Variants in TRIM33 observed in about 807,000 individuals in gnomAD.
TRIM33 encodes tripartite motif containing 33.
TRIM33 carries 20 observed loss-of-function variants against 125.4 expected under a neutral mutation model. The observed-to-expected ratio is 0.16, with a 90% CI of 0.11 to 0.23. TRIM33 has a LOEUF of 0.23. Ranked by LOEUF, TRIM33 falls within the 10% of genes least tolerant of loss-of-function variation. The pLI is 1.00. For missense variants in TRIM33, 920 were observed against 1,411.4 expected, an observed-to-expected ratio of 0.65 and a Z score of 5.58; for synonymous variants, 564 against 513.9, an observed-to-expected ratio of 1.10 and a Z score of -1.32.
chr1:114,499,692 A>C (rs1362179425), intron 1 of TRIM33, among the ~76,000 whole-genome samples: 1 of 152,238 alleles, frequency 6.6e-6, no homozygotes, highest in Non-Finnish European at 1.5e-5. Context: ...CCCTAAAACC[A>C]GTCTGGCAGA....
At chr1:114,416,445 T>A (rs1392850266) in intron 11 of TRIM33, among the ~76,000 whole-genome samples, 2 of 152,218 alleles carry the variant, frequency 1.3e-5, no homozygotes, top group Non-Finnish European at 2.9e-5. Flanking sequence ...CCTAACTATA[T>A]CACCATTAAT....
chr1:114,505,721 C>A (rs1652963372), intron 1 of TRIM33, among the ~76,000 whole-genome samples: 1 of 152,150 alleles, frequency 6.6e-6, no homozygotes, highest in East Asian at 1.9e-4. Context: ...GTGCCTGCCA[C>A]CACGCCTGGC....
intron 1 of TRIM33, among the ~76,000 whole-genome samples, chr1:114,488,542 C>A (rs1180886728): frequency 6.6e-6 from 1 of 152,002 alleles, no homozygotes; most frequent in Non-Finnish European, 1.5e-5. Context: ...GGCGGGAGGA[C>A]CGCTTCAGCC....
chr1:114,397,620 TA>T lies in TRIM33; in HGVS notation c.*27del. 1.9e-5 allele frequency: 23 copies of T among 1,197,186 alleles called. No individual in the cohort carries two copies. The highest frequency in any genetic ancestry group is 5.6e-5 in the South Asian group (4 of 72,048). 74.2% of individuals were successfully genotyped at this position (1,197,186 alleles called of 1,614,324 possible). On this transcript the variant is annotated 3_prime_UTR_variant, in exon 20 of 20. Transcript: ENST00000358465. ...TTTTTTTTTTTCGTTTTTTTTTTTT[TA>T]AACAATTGATTTAAATCCATGTCAT...
chr1:114,464,247 T>TAAAG, intron 2 of TRIM33, 23 bp downstream of exon 2: 1 of 1,298,914 alleles, frequency 7.7e-7, no homozygotes, highest in Non-Finnish European at 1.1e-6. Flanking sequence ...GATAGGAATA[T>TAAAG]AAAGAAAAAT....
At chr1:114,471,390 A>C (rs1156930180) in intron 1 of TRIM33, among the ~76,000 whole-genome samples, 1 of 151,870 alleles carries the variant, frequency 6.6e-6, no homozygotes, top group African/African-American at 2.4e-5. Flanking sequence ...GCAGTGAGCC[A>C]AGATCATGCC....
intron 13 of TRIM33, among the ~76,000 whole-genome samples, chr1:114,407,705 C>T (rs1032257595): frequency 1.5e-4 from 23 of 152,102 alleles, no homozygotes; most frequent in African/African-American, 5.3e-4. Context: ...ACAGACGTAA[C>T]ATATATAATG....
Position 114,427,722 on chromosome 1 carries a change from AAAAAT to A in TRIM33, c.1302+21_1302+25del, listed in dbSNP as rs536346584. 9.5e-5 allele frequency: 152 copies of A among 1,599,380 alleles called. 1 individual carries two copies. The African/African-American group carries it at 1.8e-3, about 19-fold the overall frequency. The stretch of plus-strand genomic sequence containing the variant: ...TATATCTTAATAAAGTCCATTAAAG[AAAAAT>A]AAAAACAGTATGTGTCTCACCAGTC... On this transcript the variant is annotated intron_variant, in intron 7 of 19. Transcript: ENST00000358465.
chr1:114,469,983 A>G (rs1650540989), intron 1 of TRIM33, among the ~76,000 whole-genome samples: 1 of 152,230 alleles, frequency 6.6e-6, no homozygotes, highest in Admixed American at 6.5e-5. Context: ...AGTATTTCCA[A>G]AGTTAATTTT....
At position 114,406,974 on chromosome 1, in the gene TRIM33, T is replaced by C; in HGVS notation, c.2385A>G (p.Glu795=). 6.2e-7 allele frequency: 1 copy of C among 1,614,062 alleles called. No individual in the cohort carries two copies. The highest frequency in any genetic ancestry group is 8.5e-7 in the Non-Finnish European group (1 of 1,179,920). ...ICSFSGGVKQ[E]KTEDGRRSAC... The stretch of plus-strand genomic sequence containing the variant: ...CACTCCTCCTGCCATCCTCTGTTTT[T>C]TCTTGTTTTACACCTCCTGAAAAGC... The change falls in exon 14 of 20, where the codon GAA becomes GAG. Residue 795 remains glutamate (E), a synonymous_variant. Transcript: ENST00000358465.
At chr1:114,404,602 A>G (rs902174234) in intron 15 of TRIM33, 1 of 152,154 alleles carries the variant, frequency 6.6e-6, no homozygotes, top group Non-Finnish European at 1.5e-5. Context: ...TTTCTAAATA[A>G]GAGTAAAGAA....
Position 114,510,940 on chromosome 1 carries a change from T to C in TRIM33, c.137A>G (p.Glu46Gly). Residue 46 changes from glutamate (E) to glycine (G), a missense_variant, in exon 1 of 20, where the codon GAG becomes GGG. By Grantham distance (98) the Glu-to-Gly change is moderately conservative. Coordinates refer to ENST00000358465, the MANE Select transcript of TRIM33 (RefSeq NM_015906.4). Reference sequence around the variant, plus strand: ...GCCGGCCCTGCCGCCTTCCTCCTCCTCCTCCTCCACCAGCACCGCGGTGAG... The same window carrying C: ...GCCGGCCCTGCCGCCTTCCTCCTCCCCCTCCTCCACCAGCACCGCGGTGAG... The part of the protein sequence containing the change: ...PPLTAVLVEE[E>G]EEEGGRAGAE... 1 of 1,419,030 alleles carries C rather than the reference T, an allele frequency of 7.0e-7. No individual in the cohort carries two copies. Among genetic ancestry groups the C allele is most frequent in the Non-Finnish European group, 9.2e-7 (1 of 1,089,946 alleles). The allele number at this position is 1,419,030 out of a possible 1,614,324, so 87.9% of individuals were successfully genotyped here.
At chr1:114,445,200 C>T (rs1648900626) in intron 4 of TRIM33, among the ~76,000 whole-genome samples, 2 of 152,112 alleles carry the variant, frequency 1.3e-5, no homozygotes, top group South Asian at 2.1e-4. Context: ...ATCAAATAGT[C>T]TAACATACGT....
chr1:114,410,677 T>C (rs1652524614), intron 11 of TRIM33, among the ~76,000 whole-genome samples: 1 of 152,120 alleles, frequency 6.6e-6, no homozygotes, highest in Admixed American at 6.5e-5. Flanking sequence ...AATCATTCAC[T>C]TAAATAGAAA....
Position 114,421,539 on chromosome 1 carries a change from G to A in TRIM33, c.1958C>T (p.Ala653Val), listed in dbSNP as rs116177751. ...TSPTTATMAN[A>V]NRGPTSPSVT... ...AGATGGGCTGGTGGGACCTCGGTTTGCATTTGCCATAGTTGCTGTAGTAGG... is the reference window on the plus strand; with the variant it reads ...AGATGGGCTGGTGGGACCTCGGTTTACATTTGCCATAGTTGCTGTAGTAGG... Residue 653 changes from alanine to valine, a missense_variant, in exon 11 of 20, where the codon GCA becomes GTA. This residue lies in a region of TRIM33 where 407 missense variants were observed against 589.7 expected (regional missense o/e 0.69). Coordinates refer to ENST00000358465, the MANE Select transcript of TRIM33 (RefSeq NM_015906.4). The A allele has an allele frequency of 6.2e-7, 1 of 1,614,116 alleles. No homozygotes were observed. Among genetic ancestry groups the A allele is most frequent in the Non-Finnish European group, 8.5e-7 (1 of 1,180,004 alleles).
At chr1:114,461,773 C>G (rs1650016354) in intron 4 of TRIM33, among the ~76,000 whole-genome samples, 1 of 152,130 alleles carries the variant, frequency 6.6e-6, no homozygotes, top group Non-Finnish European at 1.5e-5. Flanking sequence ...AAAAAAAGAT[C>G]TGACTGCAGC....
chr1:114,399,561 C>A lies in TRIM33; in HGVS notation c.3016G>T (p.Val1006Leu). 6.2e-7 allele frequency: 1 copy of A among 1,610,226 alleles called. No individual in the cohort carries two copies. Among genetic ancestry groups the A allele is most frequent in the South Asian group, 1.1e-5 (1 of 90,922 alleles). ...IIKKPMDLSTVKKKLQKKHSQ... is the reference protein window; with the variant it reads ...IIKKPMDLSTLKKKLQKKHSQ... ...TGTTTTTTCTGAAGCTTCTTTTTCA[C>A]GGTGGATAAATCCATTGGTTTCTTT... is the stretch of plus-strand genomic sequence containing the variant. Residue 1006 changes from valine (V) to leucine (L), a missense_variant, in exon 18 of 20, where the codon GTG becomes TTG. By Grantham distance (32) the Val-to-Leu change is conservative. This residue lies in a region of TRIM33 where 122 missense variants were observed against 236.8 expected (regional missense o/e 0.52). Transcript: ENST00000358465.
chr1:114,510,532 G>C lies in TRIM33; in HGVS notation c.526+19C>G. On this transcript the variant is annotated intron_variant, in intron 1 of 19. Transcript: ENST00000358465. The stretch of plus-strand genomic sequence containing the variant: ...CAAATCCCTTGCGGCCCAGATGCCA[G>C]GCAGGGCCTCCGGCTCACCTTGCTG... The C allele has an allele frequency of 6.9e-7, 1 of 1,457,440 alleles. No individual in the cohort carries two copies. Among genetic ancestry groups the C allele is most frequent in the South Asian group, 1.4e-5 (1 of 72,916 alleles). The allele number at this position is 1,457,440 out of a possible 1,614,324, so 90.3% of individuals were successfully genotyped here. A position where few individuals can be genotyped will look rare whatever the true frequency, so the allele number is the denominator to read the frequency against.
chr1:114,482,933 T>G (rs1006612791), intron 1 of TRIM33, among the ~76,000 whole-genome samples: 1 of 152,244 alleles, frequency 6.6e-6, no homozygotes, highest in African/African-American at 2.4e-5. Flanking sequence ...TAGTCTCAGG[T>G]ATGTCTTTAT....
Sources: allele counts gnomAD v4.1 joint callset (sites outside exome capture counted in the v4.1 genomes callset), GRCh38; gene constraint gnomAD v4.1.1; regional missense constraint gnomAD v4.1.1; transcripts MANE v1.5; gene names NCBI Gene and HGNC (gene_info 2026-07-23, HGNC 2026-07-21).